Variants in CUL1 observed in about 807,000 individuals in gnomAD.
CUL1 encodes the protein cullin-1.
CUL1 carries 24 observed loss-of-function variants against 118.0 expected under a neutral mutation model. The ratio of observed to expected loss-of-function variants is 0.20; its 90% confidence interval spans 0.15 to 0.29. The LOEUF (loss-of-function observed/expected upper bound fraction) is 0.29, where lower values mean the gene tolerates loss of function less well. CUL1 is among the 10% of genes least tolerant of loss of function. CUL1 has a pLI of 1.00. For missense variants in CUL1, 361 were observed against 933.8 expected (o/e 0.39, Z 7.99); for synonymous variants, 332 against 340.4 (o/e 0.98, Z 0.27).
At position 148,791,369 on chromosome 7, in the gene CUL1, C is replaced by T. The variant is rs566386857; in HGVS notation, c.1806+928C>T. ...AAGCTGCTCATTAATTTAAACTTTT[C>T]GTAAATCTACTGTGACTTAAAATTG... On this transcript the variant is annotated intron_variant, in intron 16 of 21. Coordinates refer to ENST00000325222, the MANE Select transcript of CUL1 (RefSeq NM_003592.3). Among the ~76,000 whole-genome samples, 8 of 152,314 alleles carry T rather than the reference C, an allele frequency of 5.3e-5. 1 individual carries two copies. In the South Asian group the frequency reaches 1.5e-3, roughly 28 times the overall value.
At position 148,744,397 on chromosome 7, in the gene CUL1, A is replaced by AGTGTGTGTGT. The variant is rs56093418; in HGVS notation, c.141-9547_141-9538dup. 3.7e-4 allele frequency among the ~76,000 whole-genome samples: 53 copies of AGTGTGTGTGT among 144,084 alleles called. 1 individual carries two copies. Among genetic ancestry groups the AGTGTGTGTGT allele is most frequent in the Admixed American group, 3.3e-3 (48 of 14,460 alleles). The allele number at this position is 144,084 out of a possible 152,430, so 94.5% of individuals were successfully genotyped here. Reference sequence around the variant, plus strand: ...TAATATATTTGTTGGTTGTTTCTGCAGTGTGTGTGTGTGTGTGTGTGTGTG... The same window carrying AGTGTGTGTGT: ...TAATATATTTGTTGGTTGTTTCTGCAGTGTGTGTGTGTGTGTGTGTGTGTGTGTGTGTGTG... On this transcript the variant is annotated intron_variant, in intron 2 of 21. Coordinates refer to ENST00000325222, the MANE Select transcript of CUL1 (RefSeq NM_003592.3).
At chr7:148,778,175 C>A (rs1800482264) in intron 9 of CUL1, among the ~76,000 whole-genome samples, 1 of 149,436 alleles carries the variant, frequency 6.7e-6, no homozygotes, top group South Asian at 2.1e-4. Context: ...AACTTTAAAC[C>A]ATGCTCCATC....
intron 1 of CUL1, among the ~76,000 whole-genome samples, chr7:148,725,198 T>TACACACACACACACACACACACAC (rs147863334): frequency 9.4e-6 from 1 of 106,754 alleles, no homozygotes; most frequent in African/African-American, 3.2e-5. Flanking sequence ...TGCGCGCGTG[T>TACACACACACACACACACACACAC]ACACACACAC....
At chr7:148,701,824 A>T (rs1327727834) in intron 1 of CUL1, among the ~76,000 whole-genome samples, 1 of 152,220 alleles carries the variant, frequency 6.6e-6, no homozygotes, top group East Asian at 1.9e-4. Context: ...TTAGGGCCTT[A>T]AAAACTTAGG....
intron 14 of CUL1, among the ~76,000 whole-genome samples, chr7:148,789,025 C>A (rs913534696): frequency 1.3e-5 from 2 of 152,230 alleles, no homozygotes; most frequent in Admixed American, 1.3e-4. Context: ...AGCTAAAGAC[C>A]TGTGGCTTCA....
At chr7:148,769,410 C>G (rs1800129839) in intron 9 of CUL1, among the ~76,000 whole-genome samples, 1 of 145,282 alleles carries the variant, frequency 6.9e-6, no homozygotes, top group African/African-American at 2.6e-5. Context: ...CACACACACA[C>G]ACACACACAC....
At chr7:148,756,949 AG>A in intron 3 of CUL1, 33 bp from the exon 4 acceptor site, 8 of 1,449,664 alleles carry the variant, frequency 5.5e-6, no homozygotes, top group Non-Finnish European at 7.5e-6. Flanking sequence ...GTGACAAATT[AG>A]TCATCTTAAA....
At chr7:148,707,092 C>A (rs1014336136) in intron 1 of CUL1, among the ~76,000 whole-genome samples, 1 of 152,080 alleles carries the variant, frequency 6.6e-6, no homozygotes, top group Non-Finnish European at 1.5e-5. Context: ...TAAGAAATTA[C>A]CTTTGAAGGA....
At chr7:148,795,362 G>A (rs925453395) in intron 17 of CUL1, among the ~76,000 whole-genome samples, 5 of 151,070 alleles carry the variant, frequency 3.3e-5, no homozygotes, top group African/African-American at 7.3e-5. Flanking sequence ...GAACTCCTGG[G>A]CTCAAGTGAC....
At chr7:148,766,780 T>G (rs1008443860) in intron 8 of CUL1, 57 bp downstream of exon 8, 2 of 1,441,376 alleles carry the variant, frequency 1.4e-6, no homozygotes, top group Admixed American at 2.0e-5. Flanking sequence ...GTTTTGATAT[T>G]GCTTTTGATT....
intron 2 of CUL1, among the ~76,000 whole-genome samples, chr7:148,742,528 A>G (rs181296405): frequency 1.2e-4 from 18 of 151,814 alleles, no homozygotes; most frequent in Admixed American, 1.1e-3. Context: ...TTGGGTGGGG[A>G]CACAGCCAAA....
At chr7:148,757,436 G>T (rs1451756022) in intron 4 of CUL1, among the ~76,000 whole-genome samples, 1 of 152,140 alleles carries the variant, frequency 6.6e-6, no homozygotes, top group African/African-American at 2.4e-5. Flanking sequence ...GCCTGGAACT[G>T]CCTGAGTTTT....
chr7:148,740,216 C>T (rs1009262314), intron 2 of CUL1, among the ~76,000 whole-genome samples: 1 of 152,038 alleles, frequency 6.6e-6, no homozygotes, highest in African/African-American at 2.4e-5. Context: ...CCACGCCTAG[C>T]TAATTTTTTT....
intron 3 of CUL1, among the ~76,000 whole-genome samples, chr7:148,755,948 A>G (rs1799641019): frequency 6.6e-6 from 1 of 152,232 alleles, no homozygotes. Flanking sequence ...CCCTTCCTGC[A>G]GCCCTCCTGC....
chr7:148,790,676 A>G (rs1406844291), intron 16 of CUL1, among the ~76,000 whole-genome samples: 3 of 152,126 alleles, frequency 2.0e-5, no homozygotes, highest in Non-Finnish European at 4.4e-5. Context: ...CATTAATGGG[A>G]GTGTTAGTAC....
At chr7:148,707,055 A>G (rs1797908006) in intron 1 of CUL1, among the ~76,000 whole-genome samples, 1 of 152,192 alleles carries the variant, frequency 6.6e-6, no homozygotes, top group Non-Finnish European at 1.5e-5. Flanking sequence ...ACATTCATAT[A>G]TATTAAAAGG....
intron 9 of CUL1, 118 bp from the exon 10 acceptor site, chr7:148,783,665 T>C: frequency 1.3e-6 from 2 of 1,558,846 alleles, no homozygotes; most frequent in Non-Finnish European, 1.7e-6. Context: ...CTCTTAACTT[T>C]GAAAAGGTAT....
At position 148,735,970 on chromosome 7, in the gene CUL1, T is replaced by A. The variant is rs142652761; in HGVS notation, c.140+5708T>A. On this transcript the variant is annotated intron_variant, in intron 2 of 21. Coordinates refer to ENST00000325222, the MANE Select transcript of CUL1 (RefSeq NM_003592.3). ...GGTGGATCACTTGAGCTCAGGAGTT[T>A]GAGACCAGTCTGGGCAACATAGCAA... Among the ~76,000 whole-genome samples, 18 of 150,344 alleles carry A rather than the reference T, an allele frequency of 1.2e-4. No individual in the cohort carries two copies. In the East Asian group the frequency reaches 2.9e-3, roughly 25 times the overall value.
chr7:148,777,043 A>G (rs1584809401), intron 9 of CUL1, among the ~76,000 whole-genome samples: 1 of 152,184 alleles, frequency 6.6e-6, no homozygotes, highest in South Asian at 2.1e-4. Context: ...AATCTAGTCC[A>G]CCTACAGCCT....
Sources: allele counts gnomAD v4.1 joint callset (sites outside exome capture counted in the v4.1 genomes callset), GRCh38; gene constraint gnomAD v4.1.1; transcripts MANE v1.5; gene names NCBI Gene and HGNC (gene_info 2026-07-23, HGNC 2026-07-21).